CHST9: variants seen among roughly 807,000 people sequenced by gnomAD.
The protein encoded by CHST9 is carbohydrate sulfotransferase 9, also known as GalNAc-4-sulfotransferase 2.
A neutral mutation model predicts 44.4 loss-of-function variants in CHST9; 41 were observed. The observed-to-expected ratio is 0.92, with a 90% CI of 0.72 to 1.20. The LOEUF is 1.20. Among genes scored for constraint, CHST9 ranks in the 50% most tolerant of loss-of-function variants. The probability of loss-of-function intolerance (pLI) is 0.00; values close to 1 mark genes in which losing one functional copy is unlikely to be tolerated. For synonymous variants in CHST9, 171 were observed against 178.4 expected, an observed-to-expected ratio of 0.96 and a Z score of 0.33; for missense variants, 504 against 516.5, an observed-to-expected ratio of 0.98 and a Z score of 0.23.
intron 4 of CHST9, among the ~76,000 whole-genome samples, chr18:26,945,346 A>T (rs570137440): frequency 6.6e-6 from 1 of 152,352 alleles, no homozygotes; most frequent in South Asian, 2.1e-4. Flanking sequence ...CCAAGGTATT[A>T]ATATTGATAG....
chr18:26,924,679 G>A, intron 5 of CHST9: 1 of 412,008 alleles, frequency 2.4e-6, no homozygotes, highest in Non-Finnish European at 3.3e-6. Flanking sequence ...TCAAAAGTCA[G>A]TCTTTTCTGG....
chr18:27,035,281 C>T (rs1313230952), intron 3 of CHST9, among the ~76,000 whole-genome samples: 7 of 152,030 alleles, frequency 4.6e-5, no homozygotes, highest in African/African-American at 1.2e-4. Context: ...TTTCATATAC[C>T]TATTGGCCAT....
chr18:26,930,548 T>G (rs939080256), intron 5 of CHST9: 1 of 153,292 alleles, frequency 6.5e-6, no homozygotes, highest in African/African-American at 2.4e-5. Flanking sequence ...TGCAGCTTTT[T>G]GGGGTTTCCA....
chr18:26,975,759 AT>A (rs1162564463), intron 4 of CHST9, among the ~76,000 whole-genome samples: 17 of 95,680 alleles, frequency 1.8e-4, no homozygotes, highest in Non-Finnish European at 3.3e-4. Flanking sequence ...ATATATATAT[AT>A]ATATAACATT....
intron 2 of CHST9, among the ~76,000 whole-genome samples, chr18:27,049,875 G>A (rs1361692452): frequency 1.3e-5 from 2 of 152,202 alleles, no homozygotes; most frequent in Non-Finnish European, 2.9e-5. Context: ...GCACAGAGGA[G>A]TGGGTGGAGG....
chr18:27,005,715 A>G (rs896614010), intron 4 of CHST9, among the ~76,000 whole-genome samples: 2 of 152,032 alleles, frequency 1.3e-5, no homozygotes, highest in African/African-American at 4.8e-5. Flanking sequence ...TCCATGGGGG[A>G]AGGGGCAAGT....
intron 1 of CHST9, among the ~76,000 whole-genome samples, chr18:27,144,741 G>A (rs1567936729): frequency 6.6e-6 from 1 of 152,058 alleles, no homozygotes; most frequent in Non-Finnish European, 1.5e-5. Flanking sequence ...AACTGTAGCT[G>A]ATATCCATGA....
At chr18:27,079,452 T>C (rs989909062) in intron 2 of CHST9, among the ~76,000 whole-genome samples, 1 of 152,210 alleles carries the variant, frequency 6.6e-6, no homozygotes. Flanking sequence ...TTTGATGATA[T>C]AATATTTTCT....
At chr18:27,183,115 G>C (rs911425462) in intron 1 of CHST9, among the ~76,000 whole-genome samples, 4 of 150,154 alleles carry the variant, frequency 2.7e-5, no homozygotes, top group Admixed American at 6.6e-5. Context: ...TTAACAAAAA[G>C]GTGGGGGGTG....
intron 3 of CHST9, among the ~76,000 whole-genome samples, chr18:27,025,475 G>A (rs12458099): frequency 0.38 from 57,626 of 151,790 alleles, 11,592 homozygotes; most frequent in East Asian, 0.47. Context: ...CAAATTTCAC[G>A]TGTGCCAAAA....
chr18:26,917,442 A>G (rs1459696074), intron 5 of CHST9, 92 bp from the exon 6 acceptor site: 2 of 1,390,702 alleles, frequency 1.4e-6, no homozygotes, highest in East Asian at 2.3e-5. Context: ...TTAAAATAGT[A>G]TCAAGGAGAG....
intron 2 of CHST9, among the ~76,000 whole-genome samples, chr18:27,081,031 G>C (rs2057955622): frequency 6.6e-6 from 1 of 152,132 alleles, no homozygotes; most frequent in Non-Finnish European, 1.5e-5. Context: ...TAAAGGAAGA[G>C]GTAGACAAAA....
intron 1 of CHST9, chr18:27,147,597 T>A (rs1346650950): frequency 6.6e-6 from 1 of 152,394 alleles, no homozygotes; most frequent in East Asian, 1.9e-4. Flanking sequence ...CTCCGTTTAC[T>A]ACTAACCCTT....
At chr18:27,060,113 T>G (rs1227133265) in intron 2 of CHST9, among the ~76,000 whole-genome samples, 1 of 152,192 alleles carries the variant, frequency 6.6e-6, no homozygotes, top group Admixed American at 6.5e-5. Context: ...AGAGCACATC[T>G]TGTTGAGTGT....
chr18:27,085,470 A>G (rs538822871), intron 2 of CHST9, among the ~76,000 whole-genome samples: 2 of 152,306 alleles, frequency 1.3e-5, no homozygotes, highest in East Asian at 3.9e-4. Flanking sequence ...AGACATGAAC[A>G]GACACTTCTC....
intron 4 of CHST9, among the ~76,000 whole-genome samples, chr18:26,978,796 C>T (rs2056656514): frequency 6.6e-6 from 1 of 152,132 alleles, no homozygotes. Flanking sequence ...GAAAATGCCT[C>T]ATAAATTTCA....
chr18:26,965,366 AT>A (rs1388522740), intron 4 of CHST9, among the ~76,000 whole-genome samples: 1 of 152,186 alleles, frequency 6.6e-6, no homozygotes, highest in Non-Finnish European at 1.5e-5. Flanking sequence ...CTATGTGAAG[AT>A]TTGTGTATGA....
chr18:27,089,449 C>T (rs2058046031), intron 2 of CHST9, among the ~76,000 whole-genome samples: 1 of 152,144 alleles, frequency 6.6e-6, no homozygotes, highest in Admixed American at 6.5e-5. Context: ...ATCCATGTCC[C>T]TGCAGAGGAC....
chr18:26,922,450 G>C (rs1404485129), intron 5 of CHST9, among the ~76,000 whole-genome samples: 1 of 152,042 alleles, frequency 6.6e-6, no homozygotes, highest in African/African-American at 2.4e-5. Context: ...CAGCTAAATT[G>C]TAAGCTATGG....
Sources: gnomAD v4.1 joint callset for allele counts (sites outside exome capture counted in the v4.1 genomes callset) on GRCh38, gnomAD v4.1.1 for gene constraint, MANE v1.5 for transcripts, NCBI Gene and HGNC (gene_info 2026-07-23, HGNC 2026-07-21) for gene names.